Variants in SETD5 observed in about 807,000 individuals in gnomAD.
SETD5 encodes the protein SET domain containing 5.
In SETD5, 44 loss-of-function variants were observed where a neutral mutation model predicts 153.3. That is an observed-to-expected ratio of 0.29 (90% CI 0.23 to 0.37). SETD5 has a LOEUF of 0.37. SETD5 is among the 10% of genes least tolerant of loss of function. SETD5 has a pLI of 1.00. For synonymous variants in SETD5, 716 were observed against 645.2 expected, an observed-to-expected ratio of 1.11 and a Z score of -1.66; for missense variants, 1,544 against 1,768.0, an observed-to-expected ratio of 0.87 and a Z score of 2.27.
chr3:9,403,207 T>C (rs2035095573), intron 1 of SETD5, among the ~76,000 whole-genome samples: 1 of 152,158 alleles, frequency 6.6e-6, no homozygotes, highest in African/African-American at 2.4e-5. Flanking sequence ...TAACCCCAAA[T>C]TTGATACATT....
chr3:9,408,753 T>C (rs1442287094), intron 1 of SETD5, among the ~76,000 whole-genome samples: 1 of 152,206 alleles, frequency 6.6e-6, no homozygotes, highest in Non-Finnish European at 1.5e-5. Context: ...TGTTATTCAT[T>C]GCCTAGATCA....
intron 22 of SETD5, 89 bp from the exon 23 acceptor site, chr3:9,475,394 G>GA (rs977005857): frequency 5.3e-6 from 8 of 1,507,328 alleles, no homozygotes; most frequent in Non-Finnish European, 7.1e-6. Flanking sequence ...AAAAGATGAA[G>GA]AAAAAAGAAT....
chr3:9,406,135 C>G (rs1393610325), intron 1 of SETD5, among the ~76,000 whole-genome samples: 5 of 152,100 alleles, frequency 3.3e-5, no homozygotes, highest in Non-Finnish European at 5.9e-5. Flanking sequence ...ACCAGATTGA[C>G]AGAGAAGACC....
intron 18 of SETD5, among the ~76,000 whole-genome samples, chr3:9,465,942 A>G (rs191662665): frequency 2.0e-5 from 3 of 152,324 alleles, no homozygotes; most frequent in Admixed American, 2.0e-4. Context: ...GATTATAGGA[A>G]TAGAGTGTCA....
intron 1 of SETD5, among the ~76,000 whole-genome samples, chr3:9,415,704 C>T (rs1468370209): frequency 1.3e-5 from 2 of 152,002 alleles, no homozygotes; most frequent in East Asian, 3.9e-4. Context: ...ATCCTCCCAC[C>T]TCAGCCTCTT....
At position 9,448,129 on chromosome 3, in the gene SETD5, C is replaced by CT. The variant is rs1163326328; in HGVS notation, c.2103+126dup. On this transcript the variant is annotated intron_variant, in intron 15 of 22. Coordinates refer to ENST00000402198, the MANE Select transcript of SETD5 (RefSeq NM_001080517.3). ...TTACTAGATTGAAAGTTCTAAAATG[C>CT]TTTGACACAAAAGGCTGGAGTCATC... 2.4e-6 allele frequency: 3 copies of CT among 1,233,084 alleles called. No homozygotes were observed. The African/African-American group carries it at 4.6e-5, about 19-fold the overall frequency. The allele number at this position is 1,233,084 out of a possible 1,614,324, so 76.4% of individuals were successfully genotyped here.
At chr3:9,460,226 A>G (rs554621357) in intron 17 of SETD5, among the ~76,000 whole-genome samples, 8 of 152,118 alleles carry the variant, frequency 5.3e-5, no homozygotes, top group African/African-American at 1.9e-4. Flanking sequence ...AATAACATTT[A>G]GATAACAAAG....
At chr3:9,407,933 G>A (rs1361754281) in intron 1 of SETD5, among the ~76,000 whole-genome samples, 2 of 151,816 alleles carry the variant, frequency 1.3e-5, no homozygotes, top group Admixed American at 6.6e-5. Flanking sequence ...CCAGGTGGCA[G>A]AAATTGCAGT....
chr3:9,415,604 A>T (rs1559363250), intron 1 of SETD5, among the ~76,000 whole-genome samples: 1 of 151,970 alleles, frequency 6.6e-6, no homozygotes, highest in Non-Finnish European at 1.5e-5. Flanking sequence ...AATTTTAGAG[A>T]CAGGATCTCC....
In SETD5 at chr3:9,468,392, C is replaced by T. The variant is rs148474835; in HGVS notation, c.2725-2067C>T. On this transcript the variant is annotated intron_variant, in intron 18 of 22. Transcript: ENST00000402198. Reference sequence around the variant, plus strand: ...CAGTTAAATATTTCCCCTATGCATTCTTATTCAACTTCCCCGCCCCCGAAA... The same window carrying T: ...CAGTTAAATATTTCCCCTATGCATTTTTATTCAACTTCCCCGCCCCCGAAA... 402 of 579,672 alleles carry T rather than the reference C, an allele frequency of 6.9e-4. 5 individuals are homozygous for T. The African/African-American group carries it at 7.4e-3, about 11-fold the overall frequency. 35.9% of individuals were successfully genotyped at this position (579,672 alleles called of 1,614,324 possible).
chr3:9,438,336 G>A (rs1025989116), intron 7 of SETD5, among the ~76,000 whole-genome samples: 13 of 152,062 alleles, frequency 8.5e-5, no homozygotes, highest in Non-Finnish European at 1.3e-4. Flanking sequence ...ATAGACTTTG[G>A]AGGCAGATAA....
chr3:9,410,083 A>G (rs2036319944), intron 1 of SETD5, among the ~76,000 whole-genome samples: 1 of 152,168 alleles, frequency 6.6e-6, no homozygotes, highest in African/African-American at 2.4e-5. Flanking sequence ...TGATTTCGTC[A>G]TTGTGTGAAC....
intron 18 of SETD5, chr3:9,468,506 T>C: frequency 7.7e-7 from 1 of 1,304,192 alleles, no homozygotes; most frequent in Non-Finnish European, 1.0e-6. Context: ...CAAGATGCTT[T>C]TCCCTCCTCT....
intron 13 of SETD5, 108 bp downstream of exon 13, chr3:9,445,848 G>A (rs2041876500): frequency 1.7e-5 from 11 of 649,202 alleles, no homozygotes; most frequent in Middle Eastern, 2.8e-4. Context: ...TTGACCTGAA[G>A]GTTATAATTT....
chr3:9,406,246 A>G (rs1160372240), intron 1 of SETD5, among the ~76,000 whole-genome samples: 1 of 152,246 alleles, frequency 6.6e-6, no homozygotes, highest in Non-Finnish European at 1.5e-5. Context: ...TTAGTTCTAA[A>G]GACAAAAGAG....
At chr3:9,475,257 T>C (rs1399223356) in intron 22 of SETD5, 101 bp downstream of exon 22, 1 of 1,252,722 alleles carries the variant, frequency 8.0e-7, no homozygotes, top group Non-Finnish European at 1.1e-6. Flanking sequence ...TTGCATATAG[T>C]TTCAGCAGCC....
At chr3:9,455,867 C>G (rs1013321405) in intron 17 of SETD5, among the ~76,000 whole-genome samples, 15 of 152,068 alleles carry the variant, frequency 9.9e-5, no homozygotes, top group African/African-American at 3.4e-4. Flanking sequence ...TAGTCACCAG[C>G]CTTTTTTGTT....
rs2125643158 is a variant in SETD5, at chr3:9,478,046, T to A, written c.*1955T>A. 1 of 152,988 alleles carries A rather than the reference T, an allele frequency of 6.5e-6. No individual in the cohort carries two copies. Among genetic ancestry groups the A allele is most frequent in the Non-Finnish European group, 1.5e-5 (1 of 68,350 alleles). 9.5% of individuals were successfully genotyped at this position (152,988 alleles called of 1,614,324 possible). The stretch of plus-strand genomic sequence containing the variant: ...CTCTTGGAAGGGAAGAAGTATCACT[T>A]CTTTCTCAAGTGGAGTGTTTACACC... On this transcript the variant is annotated 3_prime_UTR_variant, in exon 23 of 23. Coordinates refer to ENST00000402198, the MANE Select transcript of SETD5 (RefSeq NM_001080517.3).
intron 18 of SETD5, among the ~76,000 whole-genome samples, chr3:9,467,822 A>G (rs1411859697): frequency 6.6e-6 from 1 of 152,126 alleles, no homozygotes; most frequent in East Asian, 1.9e-4. Flanking sequence ...CAGGGACCTA[A>G]GTATACACAT....
Sources: gnomAD v4.1 joint callset for allele counts (sites outside exome capture counted in the v4.1 genomes callset) on GRCh38, gnomAD v4.1.1 for gene constraint, MANE v1.5 for transcripts, NCBI Gene and HGNC (gene_info 2026-07-23, HGNC 2026-07-21) for gene names.